DNAH7: variants seen among roughly 807,000 people sequenced by gnomAD.
The protein encoded by DNAH7 is dynein axonemal heavy chain 7.
A neutral mutation model predicts 444.6 loss-of-function variants in DNAH7; 397 were observed. That is an observed-to-expected ratio of 0.89 (90% CI 0.82 to 0.97). The LOEUF is 0.97. DNAH7 is among the 50% of genes least tolerant of loss of function. DNAH7 has a pLI of 0.00. For synonymous variants in DNAH7, 1,636 were observed against 1,624.4 expected (o/e 1.01, Z -0.17); for missense variants, 4,902 against 4,800.8 (o/e 1.02, Z -0.62).
chr2:195,765,006 AC>A (rs1267015687), intron 61 of DNAH7, among the ~76,000 whole-genome samples: 3 of 152,126 alleles, frequency 2.0e-5, no homozygotes, highest in African/African-American at 7.2e-5. Context: ...GCTATAATCA[AC>A]AAAACAGCAT....
chr2:195,999,352 A>T (rs1293554886), intron 12 of DNAH7: 13 of 628,644 alleles, frequency 2.1e-5, no homozygotes, highest in Non-Finnish European at 3.4e-5. Context: ...CTTTGAAATC[A>T]TTAAGCAAGA....
chr2:195,883,055 T>C (rs1701494519), intron 35 of DNAH7, among the ~76,000 whole-genome samples: 1 of 152,146 alleles, frequency 6.6e-6, no homozygotes, highest in Admixed American at 6.5e-5. Context: ...TAAAGAAATA[T>C]TTCTAGAACC....
intron 14 of DNAH7, among the ~76,000 whole-genome samples, chr2:195,985,128 T>C (rs1222691513): frequency 6.6e-6 from 1 of 152,180 alleles, no homozygotes; most frequent in Non-Finnish European, 1.5e-5. Context: ...GCCTGTGTGC[T>C]CAGGAACTTC....
intron 21 of DNAH7, 128 bp from the exon 22 acceptor site, chr2:195,926,694 C>G (rs1224651671): frequency 1.3e-6 from 1 of 767,102 alleles, no homozygotes; most frequent in African/African-American, 1.8e-5. Context: ...TTATGCAAGA[C>G]TCACTTAAAC....
At chr2:195,949,276 C>CTTATTTAT (rs543137766) in intron 19 of DNAH7, among the ~76,000 whole-genome samples, 10 of 151,716 alleles carry the variant, frequency 6.6e-5, no homozygotes, top group African/African-American at 1.2e-4. Context: ...TTGAATACCA[C>CTTATTTAT]TTATTTATTT....
chr2:196,003,585 G>A (rs1259538657), intron 10 of DNAH7, among the ~76,000 whole-genome samples: 1 of 152,116 alleles, frequency 6.6e-6, no homozygotes, highest in Non-Finnish European at 1.5e-5. Flanking sequence ...ACAAAGTACT[G>A]GAGGCATTCA....
chr2:195,943,679 C>CT (rs1210391073), intron 19 of DNAH7, among the ~76,000 whole-genome samples: 1 of 152,156 alleles, frequency 6.6e-6, no homozygotes, highest in African/African-American at 2.4e-5. Flanking sequence ...ATCATGACTT[C>CT]TTCATTTATA....
intron 12 of DNAH7, among the ~76,000 whole-genome samples, chr2:195,995,922 T>C (rs1693666451): frequency 6.6e-6 from 1 of 152,252 alleles, no homozygotes; most frequent in Non-Finnish European, 1.5e-5. Context: ...TTTCTGCTTC[T>C]GGGAAGAATG....
chr2:195,986,996 A>T, intron 14 of DNAH7, 70 bp downstream of exon 14: 1 of 1,340,366 alleles, frequency 7.5e-7, no homozygotes, highest in Non-Finnish European at 1.0e-6. Context: ...CAATTACTCT[A>T]GTTGAGTGAC....
intron 46 of DNAH7, among the ~76,000 whole-genome samples, chr2:195,851,260 G>T (rs1190659166): frequency 1.3e-5 from 2 of 152,208 alleles, no homozygotes; most frequent in African/African-American, 4.8e-5. Context: ...GTGGGACTCA[G>T]AATTAATCCA....
chr2:195,752,999 C>T (rs922893769), intron 63 of DNAH7, among the ~76,000 whole-genome samples: 4 of 152,118 alleles, frequency 2.6e-5, no homozygotes, highest in Non-Finnish European at 4.4e-5. Flanking sequence ...TGTAGAAAGA[C>T]AATTGAAATG....
chr2:195,823,979 A>T (rs1445173083), intron 49 of DNAH7, among the ~76,000 whole-genome samples: 6 of 152,194 alleles, frequency 3.9e-5, no homozygotes, highest in Non-Finnish European at 8.8e-5. Context: ...GTGGGCATAT[A>T]TCTTCTATTT....
intron 17 of DNAH7, among the ~76,000 whole-genome samples, chr2:195,961,835 A>G (rs1303691020): frequency 6.6e-6 from 1 of 152,162 alleles, no homozygotes; most frequent in Non-Finnish European, 1.5e-5. Context: ...GCAAAATACT[A>G]ACTCCAAGGA....
At chr2:196,053,571 G>C (rs888179243) in intron 2 of DNAH7, among the ~76,000 whole-genome samples, 1 of 152,172 alleles carries the variant, frequency 6.6e-6, no homozygotes, top group South Asian at 2.1e-4. Flanking sequence ...TAGTTTAGCA[G>C]GTTTTTAAGA....
intron 17 of DNAH7, among the ~76,000 whole-genome samples, chr2:195,961,560 A>G (rs768768825): frequency 6.6e-6 from 1 of 151,506 alleles, no homozygotes; most frequent in Non-Finnish European, 1.5e-5. Flanking sequence ...GTTGTCACAA[A>G]TGACAGGATT....
chr2:195,804,623 TA>T (rs1696622749), intron 54 of DNAH7, among the ~76,000 whole-genome samples: 1 of 152,244 alleles, frequency 6.6e-6, no homozygotes, highest in South Asian at 2.1e-4. Context: ...CAAGCCTGCT[TA>T]TAGTGCTTAA....
chr2:195,960,300 G>C lies in DNAH7; in HGVS notation c.2851C>G (p.Arg951Gly). 6.2e-7 allele frequency: 1 copy of C among 1,613,250 alleles called. No homozygotes were observed. Among genetic ancestry groups the C allele is most frequent in the Non-Finnish European group, 8.5e-7 (1 of 1,179,844 alleles). The part of the protein sequence containing the change: ...DDHIIKTQTM[R>G]GSPFIKPYEK... ...TAAGGCTTAATGAAAGGAGATCCTC[G>C]CATAGTTTGTGTTTTAATAATATGG... Residue 951 changes from arginine (R) to glycine (G), a missense_variant, in exon 18 of 65, where the codon CGA (arginine) becomes GGA (glycine). Arg to Gly is a moderately radical substitution (Grantham distance 125, BLOSUM62 -2). Transcript: ENST00000312428.
At chr2:196,026,469 A>G (rs906799293) in intron 7 of DNAH7, among the ~76,000 whole-genome samples, 2 of 152,226 alleles carry the variant, frequency 1.3e-5, no homozygotes, top group African/African-American at 2.4e-5. Context: ...AATGCCTCGC[A>G]TAAATTAGAC....
At chr2:196,061,136 T>C (rs1356379217) in intron 1 of DNAH7, among the ~76,000 whole-genome samples, 2 of 152,192 alleles carry the variant, frequency 1.3e-5, no homozygotes, top group East Asian at 1.9e-4. Context: ...TTTTCAAGGA[T>C]ATATTTTTAT....
Sources: gnomAD v4.1 joint callset for allele counts (sites outside exome capture counted in the v4.1 genomes callset) on GRCh38, gnomAD v4.1.1 for gene constraint, MANE v1.5 for transcripts, NCBI Gene and HGNC (gene_info 2026-07-23, HGNC 2026-07-21) for gene names.